The following LAMB1 variants were observed in gnomAD, a reference collection of about 807,000 sequenced individuals.
The protein encoded by LAMB1 is laminin subunit beta-1.
LAMB1 carries 121 observed loss-of-function variants against 222.3 expected under a neutral mutation model. That is an observed-to-expected ratio of 0.54 (90% confidence interval 0.47 to 0.63). LAMB1 has a LOEUF of 0.63. Ranked by LOEUF, LAMB1 falls within the 30% of genes least tolerant of loss-of-function variation. The pLI is 0.00. For synonymous variants in LAMB1, 794 were observed against 807.2 expected (o/e 0.98, Z 0.28); for missense variants, 2,172 against 2,240.8 (o/e 0.97, Z 0.62).
At chr7:107,954,953 G>T (rs556796071) in intron 21 of LAMB1, among the ~76,000 whole-genome samples, 2 of 147,272 alleles carry the variant, frequency 1.4e-5, no homozygotes, top group Admixed American at 6.7e-5. Flanking sequence ...ATCAGTATTT[G>T]TAACAGTGGC....
At position 107,924,794 on chromosome 7, in the gene LAMB1, A is replaced by G. The variant is rs559590085; in HGVS notation, c.5065-405T>C. ...AATTAGGATTTGTGAAGACTTGCTT[A>G]TAAGGAAATCAGAGGAAAAAGATTA... is the stretch of plus-strand genomic sequence containing the variant. On this transcript the variant is annotated intron_variant, in intron 32 of 33. Coordinates refer to ENST00000222399, the MANE Select transcript of LAMB1 (RefSeq NM_002291.3). Among the ~76,000 whole-genome samples, 48 of 152,318 alleles carry G rather than the reference A, an allele frequency of 3.2e-4. No homozygotes were observed. In the South Asian group the frequency reaches 9.5e-3, roughly 30 times the overall value.
chr7:107,960,056 G>A (rs1318046093), intron 18 of LAMB1, among the ~76,000 whole-genome samples: 3 of 152,176 alleles, frequency 2.0e-5, no homozygotes, highest in African/African-American at 7.2e-5. Context: ...TGCCTTCAAA[G>A]CTCAAATATC....
At chr7:107,929,757 TTATAATC>T (rs2032660974) in intron 29 of LAMB1, 138 bp from the exon 30 acceptor site, 1 of 676,196 alleles carries the variant, frequency 1.5e-6, no homozygotes, top group Non-Finnish European at 2.5e-6. Context: ...GTTTAAGAGT[TTATAATC>T]TATCTGGGAT....
chr7:107,959,247 A>G lies in LAMB1; in HGVS notation c.2690+2T>C, dbSNP rs145661048. On this transcript the variant is annotated splice_donor_variant, in intron 20 of 33. Coordinates refer to ENST00000222399, the MANE Select transcript of LAMB1 (RefSeq NM_002291.3). LOFTEE classifies it high-confidence loss of function. ...TTCTCCTTACTTTCAGCATCTGCAT[A>G]CCTTTCACAGTTATGACCCATGGTG... 1.0e-5 allele frequency: 16 copies of G among 1,607,968 alleles called. No homozygotes were observed. The highest frequency in any genetic ancestry group is 1.4e-5 in the Non-Finnish European group (16 of 1,174,900).
chr7:107,968,991 A>T (rs1173434467), intron 13 of LAMB1, among the ~76,000 whole-genome samples: 3 of 152,208 alleles, frequency 2.0e-5, no homozygotes, highest in Non-Finnish European at 2.9e-5. Flanking sequence ...ATTATTTCTT[A>T]AAAAAATACA....
chr7:107,972,970 G>A (rs771198896), intron 13 of LAMB1, 22 bp downstream of exon 13: 1 of 1,571,452 alleles, frequency 6.4e-7, no homozygotes, highest in Non-Finnish European at 8.8e-7. Flanking sequence ...GAGGACAAGA[G>A]CATACGTAGA....
At chr7:107,964,242 C>T (rs1320628273) in intron 14 of LAMB1, among the ~76,000 whole-genome samples, 4 of 152,184 alleles carry the variant, frequency 2.6e-5, no homozygotes, top group Non-Finnish European at 5.9e-5. Context: ...AATATCCTTG[C>T]CTCAGTATTT....
chr7:107,949,170 A>C (rs1023981081), intron 24 of LAMB1, among the ~76,000 whole-genome samples: 1 of 152,220 alleles, frequency 6.6e-6, no homozygotes, highest in Non-Finnish European at 1.5e-5. Flanking sequence ...TGACCCAAAC[A>C]AGTTGACAAG....
Position 107,999,228 on chromosome 7 carries a change from A to C in LAMB1, c.214-736T>G, listed in dbSNP as rs558795912. Among the ~76,000 whole-genome samples, 3 of 152,324 alleles carry C rather than the reference A, an allele frequency of 2.0e-5. No homozygotes were observed. In the East Asian group the frequency reaches 5.8e-4, roughly 29 times the overall value. On this transcript the variant is annotated intron_variant, in intron 3 of 33. Coordinates refer to ENST00000222399, the MANE Select transcript of LAMB1 (RefSeq NM_002291.3). ...AATTTCTCTTACTTTCTTTCTCCTA[A>C]AATGGGAGCCAGAGCCACCTGGGCA...
At chr7:107,956,638 C>G (rs1006934069) in intron 20 of LAMB1, among the ~76,000 whole-genome samples, 11 of 152,210 alleles carry the variant, frequency 7.2e-5, no homozygotes, top group Admixed American at 5.2e-4. Context: ...TACCTGTCAG[C>G]CTCTGCCTAT....
chr7:107,958,871 A>T (rs2033432687), intron 20 of LAMB1, among the ~76,000 whole-genome samples: 1 of 152,308 alleles, frequency 6.6e-6, no homozygotes, highest in African/African-American at 2.4e-5. Flanking sequence ...AAAATGACTA[A>T]TCCCATTTGG....
Position 107,998,393 on chromosome 7 carries a change from G to C in LAMB1, c.313C>G (p.Pro105Ala). 1.9e-6 allele frequency: 3 copies of C among 1,614,044 alleles called. No individual in the cohort carries two copies. The highest frequency in any genetic ancestry group is 2.5e-6 in the Non-Finnish European group (3 of 1,179,960). ...LIENVVTTFA[P>A]NRLKIWWQSE... ...TGCCACCAAATCTTAAGGCGGTTTG[G>C]AGCAAATGTAGTGACCACATTTTCA... The change falls in exon 4 of 34, where the codon CCA becomes GCA. Residue 105 changes from proline (P) to alanine (A), a missense_variant. Transcript: ENST00000222399.
chr7:107,969,275 GAGA>G (rs2033696537), intron 13 of LAMB1, among the ~76,000 whole-genome samples: 1 of 140,228 alleles, frequency 7.1e-6, no homozygotes, highest in African/African-American at 2.8e-5. Context: ...GCGACAGAGC[GAGA>G]CTCCGTCTCA....
intron 12 of LAMB1, among the ~76,000 whole-genome samples, chr7:107,973,515 T>C (rs938390937): frequency 6.6e-6 from 1 of 152,140 alleles, no homozygotes; most frequent in Non-Finnish European, 1.5e-5. Context: ...GCTACGACTA[T>C]TCTCACCACT....
At position 107,976,838 on chromosome 7, in the gene LAMB1, T is replaced by C. The variant is rs116372349; in HGVS notation, c.1001-961A>G. ...CTCTCTTTTCCTTTTCTTTCCTCTC[T>C]CTCCTTCCTTCCTTTCCTCTCCTTC... is the stretch of plus-strand genomic sequence containing the variant. On this transcript the variant is annotated intron_variant, in intron 9 of 33. Transcript: ENST00000222399. Among the ~76,000 whole-genome samples, 408 of 147,578 alleles carry C rather than the reference T, an allele frequency of 2.8e-3. 8 individuals carry two copies. Among genetic ancestry groups the C allele is most frequent in the African/African-American group, 8.1e-3 (318 of 39,486 alleles).
intron 24 of LAMB1, among the ~76,000 whole-genome samples, chr7:107,942,946 G>C (rs1338704811): frequency 2.0e-5 from 3 of 152,028 alleles, no homozygotes; most frequent in Admixed American, 1.3e-4. Flanking sequence ...TTTCCTTAGC[G>C]CCTGGGGTTT....
chr7:107,965,850 CCA>C lies in LAMB1; in HGVS notation c.1563-1165_1563-1164del, dbSNP rs2033624342. Among the ~76,000 whole-genome samples, 3 of 152,104 alleles carry C rather than the reference CCA, an allele frequency of 2.0e-5. 1 individual carries two copies. The highest frequency in any genetic ancestry group is 2.9e-5 in the Non-Finnish European group (2 of 68,000). On this transcript the variant is annotated intron_variant, in intron 13 of 33. Coordinates refer to ENST00000222399, the MANE Select transcript of LAMB1 (RefSeq NM_002291.3). ...TGCGCAGTGGCTCACGTCTATAATC[CCA>C]CACTTTGGGAGGCCAAGGCAGGTGG... is the stretch of plus-strand genomic sequence containing the variant.
chr7:107,960,849 G>A (rs745533492), intron 17 of LAMB1, among the ~76,000 whole-genome samples, 200 bp from the exon 18 acceptor site: 11 of 152,156 alleles, frequency 7.2e-5, no homozygotes, highest in Non-Finnish European at 1.6e-4. Flanking sequence ...CAGCTTGATG[G>A]CTTTTAAATG....
Position 107,965,226 on chromosome 7 carries a change from A to AT in LAMB1, c.1563-540dup, listed in dbSNP as rs34828423. ...ACTCCATCAGGAACCAAATTCTGTGATTTTTACTTCTGCATCTTGTGTCTC... is the reference window on the plus strand; with the variant it reads ...ACTCCATCAGGAACCAAATTCTGTGATTTTTTACTTCTGCATCTTGTGTCTC... On this transcript the variant is annotated intron_variant, in intron 13 of 33. Transcript: ENST00000222399. Among the ~76,000 whole-genome samples the AT allele has an allele frequency of 7.9e-5, 12 of 152,246 alleles. No individual in the cohort carries two copies. The East Asian group carries it at 2.3e-3, about 29-fold the overall frequency.
Sources: gnomAD v4.1 joint callset for allele counts (sites outside exome capture counted in the v4.1 genomes callset) on GRCh38, gnomAD v4.1.1 for gene constraint, MANE v1.5 for transcripts, NCBI Gene and HGNC (gene_info 2026-07-23, HGNC 2026-07-21) for gene names.